Variants in FAM227B observed in about 807,000 individuals in gnomAD.
FAM227B encodes protein FAM227B.
Under a neutral mutation model 73.8 loss-of-function variants are expected in FAM227B, and 88 were observed. The ratio of observed to expected loss-of-function variants is 1.19; its 90% CI spans 1.00 to 1.42. FAM227B has a LOEUF of 1.42. Among genes scored for constraint, FAM227B ranks in the 40% most tolerant of loss-of-function variants. The probability of loss-of-function intolerance (pLI) is 0.00; values close to 1 mark genes in which losing one functional copy is unlikely to be tolerated. For missense variants in FAM227B, 632 were observed against 590.9 expected (o/e 1.07, Z -0.72); for synonymous variants, 210 against 190.5 (o/e 1.10, Z -0.84).
intron 11 of FAM227B, among the ~76,000 whole-genome samples, chr15:49,395,819 AAGTTTAAAG>A (rs1354545285): frequency 3.9e-5 from 6 of 152,182 alleles, no homozygotes; most frequent in Admixed American, 6.5e-5. Flanking sequence ...TGTGGTATCG[AAGTTTAAAG>A]AGTTAAACTC....
At chr15:49,434,838 T>TA (rs1413153726) in intron 11 of FAM227B, among the ~76,000 whole-genome samples, 1 of 151,110 alleles carries the variant, frequency 6.6e-6, no homozygotes, top group African/African-American at 2.4e-5. Flanking sequence ...CAATAATTAA[T>TA]AAAAAACTAA....
At chr15:49,427,624 A>G (rs1490081740) in intron 11 of FAM227B, among the ~76,000 whole-genome samples, 3 of 151,970 alleles carry the variant, frequency 2.0e-5, no homozygotes, top group African/African-American at 7.2e-5. Context: ...AAAGTCCCCA[A>G]TCTTTTCTCA....
intron 11 of FAM227B, among the ~76,000 whole-genome samples, chr15:49,447,030 C>T (rs1225226582): frequency 1.3e-5 from 2 of 151,462 alleles, no homozygotes; most frequent in Non-Finnish European, 3.0e-5. Context: ...TGCGGGAACT[C>T]ATCCTGAATA....
At chr15:49,396,590 T>C (rs1418092351) in intron 11 of FAM227B, 1 of 155,258 alleles carries the variant, frequency 6.4e-6, no homozygotes, top group African/African-American at 2.4e-5. Flanking sequence ...CAGACTTAAA[T>C]GTCCCTGTCT....
At chr15:49,548,809 T>C (rs1180124010) in intron 9 of FAM227B, among the ~76,000 whole-genome samples, 1 of 152,196 alleles carries the variant, frequency 6.6e-6, no homozygotes, top group Non-Finnish European at 1.5e-5. Context: ...TGGCATACAG[T>C]TGCTCATGGT....
chr15:49,440,114 C>A (rs370720840), intron 11 of FAM227B, among the ~76,000 whole-genome samples: 1 of 151,656 alleles, frequency 6.6e-6, no homozygotes, highest in Non-Finnish European at 1.5e-5. Context: ...AATGACATCA[C>A]GAATTAGTGG....
chr15:49,352,811 A>G (rs1596409566), intron 13 of FAM227B, among the ~76,000 whole-genome samples: 1 of 152,148 alleles, frequency 6.6e-6, no homozygotes, highest in South Asian at 2.1e-4. Flanking sequence ...GCAGTTCCCT[A>G]TCTTGCAAAG....
intron 4 of FAM227B, among the ~76,000 whole-genome samples, chr15:49,589,380 A>G (rs2076386183): frequency 6.6e-6 from 1 of 152,194 alleles, no homozygotes; most frequent in Admixed American, 6.6e-5. Flanking sequence ...AAAGCTTAAC[A>G]GTTTAACAAC....
chr15:49,471,578 T>C (rs2054771540), intron 11 of FAM227B, among the ~76,000 whole-genome samples: 2 of 151,326 alleles, frequency 1.3e-5, no homozygotes, highest in Admixed American at 6.6e-5. Context: ...ATGACAGATA[T>C]GTAGAGTACT....
At chr15:49,472,045 T>C (rs1032643527) in intron 11 of FAM227B, among the ~76,000 whole-genome samples, 1 of 148,738 alleles carries the variant, frequency 6.7e-6, no homozygotes, top group Non-Finnish European at 1.5e-5. Flanking sequence ...GCTGTGAAAG[T>C]AAACACCTGG....
chr15:49,498,160 A>G (rs1344901625), intron 11 of FAM227B, among the ~76,000 whole-genome samples: 1 of 152,216 alleles, frequency 6.6e-6, no homozygotes, highest in Non-Finnish European at 1.5e-5. Context: ...TTTAATTATA[A>G]GCCTGTAAAA....
chr15:49,543,292 C>A (rs2071343005), intron 9 of FAM227B, among the ~76,000 whole-genome samples: 1 of 151,966 alleles, frequency 6.6e-6, no homozygotes, highest in Admixed American at 6.6e-5. Flanking sequence ...TGTTTGTTGG[C>A]CATTTGTATA....
At chr15:49,407,261 G>C (rs2048576167) in intron 11 of FAM227B, among the ~76,000 whole-genome samples, 1 of 152,178 alleles carries the variant, frequency 6.6e-6, no homozygotes, top group African/African-American at 2.4e-5. Flanking sequence ...GTCTCCTCCT[G>C]CACTAAGGCC....
At chr15:49,614,017 T>C (rs2078127142) in intron 2 of FAM227B, among the ~76,000 whole-genome samples, 1 of 152,228 alleles carries the variant, frequency 6.6e-6, no homozygotes, top group South Asian at 2.1e-4. Context: ...TTTACAAATA[T>C]ACAGAATCAA....
intron 5 of FAM227B, among the ~76,000 whole-genome samples, chr15:49,587,721 T>C (rs994956337): frequency 1.7e-4 from 26 of 152,112 alleles, no homozygotes; most frequent in African/African-American, 6.0e-4. Flanking sequence ...AGGGCTGATA[T>C]AGGACCTGCA....
intron 11 of FAM227B, among the ~76,000 whole-genome samples, chr15:49,466,227 G>C (rs1313041197): frequency 6.6e-6 from 1 of 152,182 alleles, no homozygotes; most frequent in Non-Finnish European, 1.5e-5. Flanking sequence ...ACTTTCTGAG[G>C]AACGGGAACT....
intron 13 of FAM227B, chr15:49,365,418 A>C (rs2044972693): frequency 3.0e-6 from 3 of 1,009,592 alleles, no homozygotes; most frequent in Non-Finnish European, 3.2e-6. Context: ...ACTCTTCTAC[A>C]GTACGCAAGC....
intron 3 of FAM227B, among the ~76,000 whole-genome samples, chr15:49,604,740 T>G (rs1401776818): frequency 6.6e-6 from 1 of 151,920 alleles, no homozygotes; most frequent in African/African-American, 2.4e-5. Context: ...CTATTTTTCA[T>G]TCTATGTTTT....
intron 11 of FAM227B, among the ~76,000 whole-genome samples, chr15:49,461,619 A>G (rs570133592): frequency 1.2e-4 from 19 of 152,374 alleles, no homozygotes; most frequent in Admixed American, 1.3e-4. Flanking sequence ...ACTGGCTAGA[A>G]TAAGTTGTAC....
Sources: allele counts gnomAD v4.1 joint callset (sites outside exome capture counted in the v4.1 genomes callset), GRCh38; gene constraint gnomAD v4.1.1; transcripts MANE v1.5; gene names NCBI Gene and HGNC (gene_info 2026-07-23, HGNC 2026-07-21).